EPB41L4A: variants seen among roughly 807,000 people sequenced by gnomAD.
EPB41L4A encodes band 4.1-like protein 4A.
EPB41L4A carries 100 observed loss-of-function variants against 108.6 expected under a neutral mutation model. The observed-to-expected ratio is 0.92, with a 90% confidence interval of 0.78 to 1.09. EPB41L4A has a LOEUF of 1.09. Among genes scored for constraint, EPB41L4A ranks in the 50% least tolerant of loss-of-function variants. The pLI is 0.00. For synonymous variants in EPB41L4A, 319 were observed against 289.0 expected (o/e 1.10, Z -1.05); for missense variants, 1,030 against 842.7 (o/e 1.22, Z -2.75).
At chr5:112,194,671 A>G in intron 16 of EPB41L4A, 26 bp from the exon 17 acceptor site, 1 of 1,533,776 alleles carries the variant, frequency 6.5e-7, no homozygotes, top group South Asian at 1.2e-5. Flanking sequence ...TAAGAACAAA[A>G]GAAAAAACAC....
intron 12 of EPB41L4A, among the ~76,000 whole-genome samples, chr5:112,211,163 G>A (rs1473918102): frequency 1.3e-5 from 2 of 152,146 alleles, no homozygotes; most frequent in Non-Finnish European, 1.5e-5. Flanking sequence ...GGTGGGGCAA[G>A]CTTTGAAGAT....
chr5:112,347,196 A>T (rs751257695), intron 1 of EPB41L4A, among the ~76,000 whole-genome samples: 5 of 152,222 alleles, frequency 3.3e-5, no homozygotes, highest in Non-Finnish European at 7.3e-5. Context: ...ACACATGCAC[A>T]CACATGCATT....
At position 112,419,036 on chromosome 5, in the gene EPB41L4A, C is replaced by A. The variant is rs1429975622; in HGVS notation, c.4G>T (p.Gly2Cys). The A allele has an allele frequency of 6.2e-7, 1 of 1,613,006 alleles. No individual in the cohort carries two copies. The highest frequency in any genetic ancestry group is 8.5e-7 in the Non-Finnish European group (1 of 1,179,394). M[G>C]CFCAVPEEFY... ...TCTTCCGGAACAGCGCAGAAACAGCCCATGTCGGTTGTGGTCGTCTCCAGC... is the reference window on the plus strand; with the variant it reads ...TCTTCCGGAACAGCGCAGAAACAGCACATGTCGGTTGTGGTCGTCTCCAGC... The change falls in exon 1 of 23, where the codon GGC becomes TGC. Residue 2 changes from glycine to cysteine, a missense_variant. By Grantham distance (159) the Gly-to-Cys change is radical (BLOSUM62 -3). Transcript: ENST00000261486.
At chr5:112,244,519 G>A (rs955613577) in intron 9 of EPB41L4A, among the ~76,000 whole-genome samples, 12 of 152,294 alleles carry the variant, frequency 7.9e-5, no homozygotes, top group Admixed American at 3.3e-4. Flanking sequence ...AGGCTGGGAG[G>A]CCATGGACCA....
rs1760790817 is a variant in EPB41L4A, at chr5:112,175,038, T to TG, written c.1623-4047dup. ...GATCGCTCAGGAGGCACTTCCGGGT[T>TG]GGGGGTGGGGGTTCATGTTATATCT... is the stretch of plus-strand genomic sequence containing the variant. On this transcript the variant is annotated intron_variant, in intron 18 of 22. Coordinates refer to ENST00000261486, the MANE Select transcript of EPB41L4A (RefSeq NM_022140.5). 6.6e-5 allele frequency among the ~76,000 whole-genome samples: 10 copies of TG among 152,276 alleles called. No individual in the cohort carries two copies. In the South Asian group the frequency reaches 1.9e-3, roughly 28 times the overall value.
chr5:112,310,004 T>G (rs1342174405), intron 1 of EPB41L4A, among the ~76,000 whole-genome samples: 1 of 152,158 alleles, frequency 6.6e-6, no homozygotes, highest in Non-Finnish European at 1.5e-5. Flanking sequence ...TTCCCCATCA[T>G]CCTCAGATAA....
intron 1 of EPB41L4A, among the ~76,000 whole-genome samples, chr5:112,376,722 T>A (rs1023429359): frequency 1.8e-4 from 28 of 152,270 alleles, no homozygotes; most frequent in Non-Finnish European, 3.4e-4. Context: ...TGTTGACACG[T>A]GCTACAAACC....
chr5:112,249,895 G>A lies in EPB41L4A; in HGVS notation c.796-9085C>T, dbSNP rs185673902. On this transcript the variant is annotated intron_variant, in intron 9 of 22. Coordinates refer to ENST00000261486, the MANE Select transcript of EPB41L4A (RefSeq NM_022140.5). ...ACTGTGAATCTCCAAGAGCTAGTAAGGTTGTGGGTTGTTCTAATTTATTTG... is the reference window on the plus strand; with the variant it reads ...ACTGTGAATCTCCAAGAGCTAGTAAAGTTGTGGGTTGTTCTAATTTATTTG... Among the ~76,000 whole-genome samples, 172 of 152,224 alleles carry A rather than the reference G, an allele frequency of 1.1e-3. 1 individual carries two copies. The highest frequency in any genetic ancestry group is 4.0e-3 in the African/African-American group (167 of 41,526).
intron 2 of EPB41L4A, among the ~76,000 whole-genome samples, chr5:112,280,896 C>T (rs149326491): frequency 6.6e-6 from 1 of 152,308 alleles, no homozygotes; most frequent in Non-Finnish European, 1.5e-5. Context: ...ACGTCCTCAC[C>T]ATCTTTGCTT....
intron 17 of EPB41L4A, among the ~76,000 whole-genome samples, chr5:112,189,514 A>G (rs1335584947): frequency 6.6e-6 from 1 of 152,200 alleles, no homozygotes; most frequent in Non-Finnish European, 1.5e-5. Context: ...ACTGACGTAC[A>G]TGACTCATGT....
intron 17 of EPB41L4A, among the ~76,000 whole-genome samples, chr5:112,188,791 G>A (rs1285291101): frequency 6.6e-6 from 1 of 152,124 alleles, no homozygotes; most frequent in Non-Finnish European, 1.5e-5. Flanking sequence ...AAGCAAGACG[G>A]AAGAAATGCC....
chr5:112,176,410 T>TA lies in EPB41L4A; in HGVS notation c.1623-5419dup, dbSNP rs1367141202. Among the ~76,000 whole-genome samples the TA allele has an allele frequency of 2.0e-5, 3 of 152,312 alleles. No homozygotes were observed. The East Asian group carries it at 5.8e-4, about 29-fold the overall frequency. On this transcript the variant is annotated intron_variant, in intron 18 of 22. Coordinates refer to ENST00000261486, the MANE Select transcript of EPB41L4A (RefSeq NM_022140.5). Reference sequence around the variant, plus strand: ...TCAGTTGTCCACCTGACATTTCCATTAACTGCCTACTTGGCATCTCAAACC... The same window carrying TA: ...TCAGTTGTCCACCTGACATTTCCATTAAACTGCCTACTTGGCATCTCAAACC...
At chr5:112,355,940 G>A (rs529129615) in intron 1 of EPB41L4A, among the ~76,000 whole-genome samples, 5 of 152,216 alleles carry the variant, frequency 3.3e-5, no homozygotes, top group South Asian at 2.1e-4. Flanking sequence ...TTGGCCTCTC[G>A]CATCTCATGG....
chr5:112,223,132 G>A (rs1748188119), intron 12 of EPB41L4A, among the ~76,000 whole-genome samples: 1 of 151,928 alleles, frequency 6.6e-6, no homozygotes, highest in Admixed American at 6.6e-5. Context: ...TAGAGACAGG[G>A]TTTCGTCATG....
chr5:112,249,448 A>C (rs1750490918), intron 9 of EPB41L4A: 1 of 152,216 alleles, frequency 6.6e-6, no homozygotes, highest in Non-Finnish European at 1.5e-5. Context: ...AAAGCTTACA[A>C]AATTGTAAGT....
intron 12 of EPB41L4A, among the ~76,000 whole-genome samples, chr5:112,154,002 T>C (rs1275649493): frequency 2.0e-5 from 3 of 152,286 alleles, no homozygotes; most frequent in East Asian, 3.9e-4. Flanking sequence ...AACAGATATG[T>C]AGCTGGCACA....
chr5:112,372,466 G>A (rs1236444926), intron 1 of EPB41L4A, among the ~76,000 whole-genome samples: 1 of 152,190 alleles, frequency 6.6e-6, no homozygotes, highest in Non-Finnish European at 1.5e-5. Context: ...TAAGCAAACT[G>A]TTACGGAAGG....
intron 1 of EPB41L4A, among the ~76,000 whole-genome samples, chr5:112,338,472 C>A (rs1757061596): frequency 6.6e-6 from 1 of 152,118 alleles, no homozygotes; most frequent in Non-Finnish European, 1.5e-5. Flanking sequence ...CATGGTCATA[C>A]CAGGTCGCTG....
At chr5:112,260,157 A>C (rs953524102) in intron 7 of EPB41L4A, among the ~76,000 whole-genome samples, 178 bp from the exon 8 acceptor site, 4 of 152,218 alleles carry the variant, frequency 2.6e-5, no homozygotes, top group Non-Finnish European at 5.9e-5. Flanking sequence ...ATTTTTTTCA[A>C]AGTTTTAAAA....
Sources: allele counts gnomAD v4.1 joint callset (sites outside exome capture counted in the v4.1 genomes callset), GRCh38; gene constraint gnomAD v4.1.1; transcripts MANE v1.5; gene names NCBI Gene and HGNC (gene_info 2026-07-23, HGNC 2026-07-21).